Variants in PHKG1 observed in about 807,000 individuals in gnomAD.
The protein encoded by PHKG1 is phosphorylase kinase catalytic subunit gamma 1, also known as phosphorylase b kinase gamma catalytic chain, skeletal muscle/heart isoform.
PHKG1 carries 48 observed loss-of-function variants against 50.5 expected under a neutral mutation model. The ratio of observed to expected loss-of-function variants is 0.95; its 90% confidence interval spans 0.75 to 1.21. PHKG1 has a LOEUF of 1.21. Ranked by LOEUF, PHKG1 falls within the 50% of genes most tolerant of loss-of-function variation. The pLI is 0.00. For missense variants in PHKG1, 487 were observed against 519.5 expected (o/e 0.94, Z 0.61); for synonymous variants, 204 against 212.8 (o/e 0.96, Z 0.36).
At chr7:56,091,411 G>T (rs1796490687) in intron 1 of PHKG1, among the ~76,000 whole-genome samples, 1 of 152,052 alleles carries the variant, frequency 6.6e-6, no homozygotes, top group Admixed American at 6.6e-5. Flanking sequence ...CAGCTACTCA[G>T]GAGGCTGAGG....
In PHKG1 at chr7:56,081,834, G is replaced by C. The variant is rs544486646; in HGVS notation, c.792+59C>G. The C allele has an allele frequency of 1.2e-6, 2 of 1,609,252 alleles. No homozygotes were observed. Among genetic ancestry groups the C allele is most frequent in the East Asian group, 4.5e-5 (2 of 44,696 alleles). The stretch of plus-strand genomic sequence containing the variant: ...TGTCAGGAAAGGCAGGGCCTCCCCG[G>C]GCAGGGGCGCCTGGCATCGCAGCCC... On this transcript the variant is annotated intron_variant, in intron 8 of 9. Coordinates refer to ENST00000297373, the MANE Select transcript of PHKG1 (RefSeq NM_006213.5). This position sits in a 1 kb window ranked among gnomAD's most constrained non-coding sequence, Gnocchi z 4.6.
In PHKG1 at chr7:56,085,321, C is replaced by T. The variant is rs1380949116; in HGVS notation, c.318-1606G>A. Among the ~76,000 whole-genome samples, 3 of 152,146 alleles carry T rather than the reference C, an allele frequency of 2.0e-5. No homozygotes were observed. In the East Asian group the frequency reaches 5.8e-4, roughly 29 times the overall value. Reference sequence around the variant, plus strand: ...CTTTGTTGCCCAGGCTGGTCTCAAACTCCTGGCCTCAAGCAATCCTCCCAC... The same window carrying T: ...CTTTGTTGCCCAGGCTGGTCTCAAATTCCTGGCCTCAAGCAATCCTCCCAC... On this transcript the variant is annotated intron_variant, in intron 4 of 9. Transcript: ENST00000297373.
Position 56,087,003 on chromosome 7 carries a change from T to C in PHKG1, c.284A>G (p.Glu95Gly). 1 of 1,611,054 alleles carries C rather than the reference T, an allele frequency of 6.2e-7. No homozygotes were observed. Among genetic ancestry groups the C allele is most frequent in the Non-Finnish European group, 8.5e-7 (1 of 1,177,452 alleles). Residue 95 changes from glutamate (E) to glycine (G), a missense_variant, in exon 4 of 10, where the codon GAG becomes GGG. Glu to Gly is a moderately conservative substitution (Grantham distance 98, BLOSUM62 -2). Coordinates refer to ENST00000297373, the MANE Select transcript of PHKG1 (RefSeq NM_006213.5). ...CACCAAGAAGAAGAAAGTGTTGGTCTCATAAGTGTCCTTCAGCTGTACTGA... is the reference window on the plus strand; with the variant it reads ...CACCAAGAAGAAGAAAGTGTTGGTCCCATAAGTGTCCTTCAGCTGTACTGA... ...PNIIQLKDTY[E>G]TNTFFFLVFD...
intron 1 of PHKG1, among the ~76,000 whole-genome samples, chr7:56,091,283 G>A (rs575449140): frequency 2.0e-5 from 3 of 152,064 alleles, no homozygotes; most frequent in African/African-American, 7.2e-5. Flanking sequence ...TTGGGAGGCC[G>A]AGGCAGGAGG....
At position 56,081,057 on chromosome 7, in the gene PHKG1, G is replaced by C; in HGVS notation, c.1161C>G (p.Tyr387Ter). The C allele has an allele frequency of 2.5e-6, 4 of 1,611,970 alleles. No individual in the cohort carries two copies. The South Asian group carries it at 4.4e-5, about 18-fold the overall frequency. The change falls in exon 10 of 10, where the codon TAC becomes TAG. Residue 387 changes from tyrosine (Y) to a stop codon, truncating the protein, a stop_gained. Transcript: ENST00000297373. LOFTEE classifies it high-confidence loss of function. The surrounding 1 kb of genome is among the most constrained non-coding windows in gnomAD (Gnocchi z 4.6). ...AVLLSLAEED[Y>*] is the part of the protein sequence containing the mutation. ...CCCTCCCTGACTGGCCAGCCCCTCA[G>C]TAGTCCTCCTCGGCCAGGGAGAGGA...
chr7:56,081,418 T>C lies in PHKG1; in HGVS notation c.919-119A>G, dbSNP rs1330375421. The C allele has an allele frequency of 5.2e-6, 7 of 1,343,212 alleles. No homozygotes were observed. The highest frequency in any genetic ancestry group is 1.4e-5 in the South Asian group (1 of 71,086). The allele number at this position is 1,343,212 out of a possible 1,614,324, so 83.2% of individuals were successfully genotyped here. On this transcript the variant is annotated intron_variant, in intron 9 of 9. Coordinates refer to ENST00000297373, the MANE Select transcript of PHKG1 (RefSeq NM_006213.5). This position sits in a 1 kb window ranked among gnomAD's most constrained non-coding sequence, Gnocchi z 4.6. Reference sequence around the variant, plus strand: ...AGCCTTGGGTGGCTTCTGCGGGGCCTTCCTAGTGTCCCCCACTTCCCACTT... The same window carrying C: ...AGCCTTGGGTGGCTTCTGCGGGGCCCTCCTAGTGTCCCCCACTTCCCACTT...
rs182098876 is a variant in PHKG1, at chr7:56,081,160, C to G, written c.1058G>C (p.Arg353Pro). The G allele has an allele frequency of 6.2e-7, 1 of 1,613,862 alleles. No individual in the cohort carries two copies. Among genetic ancestry groups the G allele is most frequent in the Non-Finnish European group, 8.5e-7 (1 of 1,179,922 alleles). The change falls in exon 10 of 10, where the codon CGA becomes CCA. Residue 353 changes from arginine to proline, a missense_variant. Arg to Pro is a moderately radical substitution (Grantham distance 103, BLOSUM62 -2). Coordinates refer to ENST00000297373, the MANE Select transcript of PHKG1 (RefSeq NM_006213.5). This position sits in a 1 kb window ranked among gnomAD's most constrained non-coding sequence, Gnocchi z 4.6. ...CTTCTTCACCCAGTGGCCATAGATTCGGAAAGCGTAGGCGTCGATGAGCCG... is the reference window on the plus strand; with the variant it reads ...CTTCTTCACCCAGTGGCCATAGATTGGGAAAGCGTAGGCGTCGATGAGCCG... ...LRRLIDAYAF[R>P]IYGHWVKKGQ...
chr7:56,082,330 T>C, intron 6 of PHKG1, 77 bp from the exon 7 acceptor site: 4 of 1,151,050 alleles, frequency 3.5e-6, no homozygotes, highest in Non-Finnish European at 5.1e-6. Flanking sequence ...CAGTGGCTCA[T>C]TTCTATAATC....
Position 56,081,724 on chromosome 7 carries a change from TTC to T in PHKG1, c.822_823del (p.Asn275ProfsTer122). On this transcript the variant is annotated frameshift_variant, in exon 9 of 10. Transcript: ENST00000297373. LOFTEE classifies it high-confidence loss of function. The surrounding 1 kb of genome is among the most constrained non-coding windows in gnomAD (Gnocchi z 4.6). Reference sequence around the variant, plus strand: ...CAAGGCCTCTTCCGCTGTGTAGCGGTTCTGGGGTTGCACCACCAGGAATCGGG... The same window carrying T: ...CAAGGCCTCTTCCGCTGTGTAGCGGTTGGGGTTGCACCACCAGGAATCGGG... 6.2e-7 allele frequency: 1 copy of T among 1,613,662 alleles called. No individual in the cohort carries two copies. The highest frequency in any genetic ancestry group is 8.5e-7 in the Non-Finnish European group (1 of 1,179,794).
Position 56,081,741 on chromosome 7 carries a change from C to T in PHKG1, c.807G>A (p.Leu269=). The change falls in exon 9 of 10, where the codon CTG becomes CTA. Residue 269 remains leucine (L), a synonymous_variant. Coordinates refer to ENST00000297373, the MANE Select transcript of PHKG1 (RefSeq NM_006213.5). This position sits in a 1 kb window ranked among gnomAD's most constrained non-coding sequence, Gnocchi z 4.6. ...TGTAGCGGTTCTGGGGTTGCACCAC[C>T]AGGAATCGGGAGACCTGTGAGAGGA... The part of the protein sequence containing the change: ...DTVKDLVSRF[L]VVQPQNRYTA... The T allele has an allele frequency of 1.2e-6, 2 of 1,613,666 alleles. No individual in the cohort carries two copies. The highest frequency in any genetic ancestry group is 1.7e-6 in the Non-Finnish European group (2 of 1,179,768).
At chr7:56,082,317 C>G in intron 6 of PHKG1, 64 bp from the exon 7 acceptor site, 1 of 1,277,092 alleles carries the variant, frequency 7.8e-7, no homozygotes, top group Non-Finnish European at 1.1e-6. Context: ...TCCAGGCTGG[C>G]CGCAGTGGCT....
intron 4 of PHKG1, among the ~76,000 whole-genome samples, chr7:56,086,476 T>A (rs928961618): frequency 6.6e-6 from 1 of 151,610 alleles, no homozygotes; most frequent in South Asian, 2.1e-4. Context: ...AGTTTTGGGG[T>A]TTTTTTTGTT....
At position 56,087,648 on chromosome 7, in the gene PHKG1, G is replaced by A. The variant is rs755657137; in HGVS notation, c.212C>T (p.Thr71Met). The A allele has an allele frequency of 7.4e-6, 12 of 1,613,846 alleles. No homozygotes were observed. Among genetic ancestry groups the A allele is most frequent in the African/African-American group, 2.7e-5 (2 of 74,920 alleles). The change falls in exon 3 of 10, where the codon ACG becomes ATG. Residue 71 changes from threonine (T) to methionine (M), a missense_variant. Physicochemically the swap from Thr to Met is moderately conservative, Grantham distance 81 (BLOSUM62 -1). Coordinates refer to ENST00000297373, the MANE Select transcript of PHKG1 (RefSeq NM_006213.5). ...GCGCAGGATGTCCACCTCCTTCAGC[G>A]TGGCTTCTCGCAGCTCCCGCACCTC... is the stretch of plus-strand genomic sequence containing the variant. Reference protein sequence around the residue: ...PEEVRELREATLKEVDILRKV... With the variant: ...PEEVRELREAMLKEVDILRKV...
intron 4 of PHKG1, among the ~76,000 whole-genome samples, chr7:56,084,396 T>A (rs1035005869): frequency 1.4e-5 from 2 of 140,370 alleles, no homozygotes; most frequent in African/African-American, 5.3e-5. Context: ...TTTTTTGAGA[T>A]GGAGTTTTTG....
At chr7:56,082,700 C>T (rs553724284) in intron 6 of PHKG1, among the ~76,000 whole-genome samples, 16 of 152,288 alleles carry the variant, frequency 1.1e-4, no homozygotes, top group South Asian at 4.1e-4. Flanking sequence ...CAGGGCAGGG[C>T]GGGATACTGC....
intron 6 of PHKG1, 49 bp from the exon 7 acceptor site, chr7:56,082,302 G>C: frequency 6.8e-7 from 1 of 1,460,778 alleles, no homozygotes; most frequent in Non-Finnish European, 9.5e-7. Flanking sequence ...ACTCAGAAGA[G>C]GAAGTCCAGG....
chr7:56,082,094 G>A (rs762358255), intron 7 of PHKG1, 48 bp from the exon 8 acceptor site: 9 of 1,608,948 alleles, frequency 5.6e-6, no homozygotes, highest in East Asian at 2.2e-5. Flanking sequence ...CAGGGGCACC[G>A]GCCCAGCCCT....
chr7:56,082,000 G>A lies in PHKG1; in HGVS notation c.685C>T (p.Pro229Ser), dbSNP rs780847047. 2 of 1,613,816 alleles carry A rather than the reference G, an allele frequency of 1.2e-6. No homozygotes were observed. The highest frequency in any genetic ancestry group is 4.5e-5 in the East Asian group (2 of 44,886). Residue 229 changes from proline (P) to serine (S), a missense_variant, in exon 8 of 10, where the codon CCC (proline) becomes TCC (serine). Physicochemically the swap from Pro to Ser is moderately conservative, Grantham distance 74. Coordinates refer to ENST00000297373, the MANE Select transcript of PHKG1 (RefSeq NM_006213.5). The surrounding 1 kb of genome is among the most constrained non-coding windows in gnomAD (Gnocchi z 4.6). Reference protein sequence around the residue: ...IMYTLLAGSPPFWHRKQMLML... With the variant: ...IMYTLLAGSPSFWHRKQMLML... ...AGCATCTGCTTCCGGTGCCAGAAGG[G>A]CGGGGAGCCGGCCAGCAGCGTGTAC...
chr7:56,084,931 G>T (rs1460436041), intron 4 of PHKG1, among the ~76,000 whole-genome samples: 1 of 152,114 alleles, frequency 6.6e-6, no homozygotes, highest in Non-Finnish European at 1.5e-5. Flanking sequence ...ATACAGGACA[G>T]TGCCACAGAG....
Sources: gnomAD v4.1 joint callset for allele counts (sites outside exome capture counted in the v4.1 genomes callset) on GRCh38, gnomAD v4.1.1 for gene constraint, Gnocchi (gnomAD v3.1) non-coding constraint, MANE v1.5 for transcripts, NCBI Gene and HGNC (gene_info 2026-07-23, HGNC 2026-07-21) for gene names.